The following PAFAH1B1 variants were observed in gnomAD, a reference collection of about 807,000 sequenced individuals.
The protein encoded by PAFAH1B1 is platelet activating factor acetylhydrolase 1b regulatory subunit 1, also known as platelet-activating factor acetylhydrolase IB subunit beta.
PAFAH1B1 carries 2 observed loss-of-function variants against 57.5 expected under a neutral mutation model. The observed-to-expected ratio is 0.03, with a 90% CI of 0.01 to 0.11. The LOEUF (loss-of-function observed/expected upper bound fraction) is 0.11. PAFAH1B1 is among the 10% of genes least tolerant of loss of function. PAFAH1B1 has a pLI of 1.00. For missense variants in PAFAH1B1, 257 were observed against 512.0 expected, an observed-to-expected ratio of 0.50 and a Z score of 4.81; for synonymous variants, 152 against 169.6, an observed-to-expected ratio of 0.90 and a Z score of 0.81.
chr17:2,632,805 A>AT (rs754969241), intron 1 of PAFAH1B1, among the ~76,000 whole-genome samples: 1 of 152,152 alleles, frequency 6.6e-6, no homozygotes, highest in Non-Finnish European at 1.5e-5. Context: ...ATCCTACACC[A>AT]TTTTTTATCA....
At chr17:2,625,275 T>G (rs1448695357) in intron 1 of PAFAH1B1, among the ~76,000 whole-genome samples, 2 of 152,248 alleles carry the variant, frequency 1.3e-5, no homozygotes, top group South Asian at 2.1e-4. Flanking sequence ...AATCAGACTC[T>G]TTGAATTTTG....
At chr17:2,655,699 T>C (rs2068927206) in intron 2 of PAFAH1B1, among the ~76,000 whole-genome samples, 1 of 151,816 alleles carries the variant, frequency 6.6e-6, no homozygotes, top group African/African-American at 2.4e-5. Flanking sequence ...AGTTGCTACG[T>C]GTGACGACAG....
At chr17:2,665,916 A>G (rs1597568340) in intron 3 of PAFAH1B1, 100 bp from the exon 4 acceptor site, 1 of 1,213,470 alleles carries the variant, frequency 8.2e-7, no homozygotes, top group East Asian at 2.9e-5. Context: ...TTTTTTTATA[A>G]TCAGATTTTT....
chr17:2,639,909 A>G (rs190868983), intron 2 of PAFAH1B1: 1 of 152,230 alleles, frequency 6.6e-6, no homozygotes, highest in South Asian at 2.1e-4. Flanking sequence ...AATTAAAAAA[A>G]AAATTTTGTG....
intron 1 of PAFAH1B1, among the ~76,000 whole-genome samples, chr17:2,595,207 T>A (rs1198826199): frequency 6.6e-6 from 1 of 152,196 alleles, no homozygotes; most frequent in Non-Finnish European, 1.5e-5. Flanking sequence ...ATTACTGATA[T>A]TCCCATCTCT....
intron 1 of PAFAH1B1, among the ~76,000 whole-genome samples, chr17:2,608,245 C>G (rs540485631): frequency 6.6e-6 from 1 of 151,986 alleles, no homozygotes; most frequent in Non-Finnish European, 1.5e-5. Context: ...CCACCATGCT[C>G]GGCTAATTTT....
At chr17:2,625,952 A>C (rs1429463236) in intron 1 of PAFAH1B1, among the ~76,000 whole-genome samples, 1 of 152,126 alleles carries the variant, frequency 6.6e-6, no homozygotes, top group Admixed American at 6.5e-5. Context: ...CAAGAAAAAC[A>C]GAAAAACGTT....
chr17:2,651,460 T>A (rs2068848626), intron 2 of PAFAH1B1, among the ~76,000 whole-genome samples: 1 of 150,544 alleles, frequency 6.6e-6, no homozygotes, highest in Admixed American at 6.7e-5. Flanking sequence ...GGTGCCTGCC[T>A]GAAATCCCAG....
At position 2,656,961 on chromosome 17, in the gene PAFAH1B1, G is replaced by A. The variant is rs142376963; in HGVS notation, c.33-8411G>A. ...TTTTGAGACAGAGTCTCGCTCTGTA[G>A]CCCAGGCTGGAGTGCAGTGGCGCAG... On this transcript the variant is annotated intron_variant, in intron 2 of 10. Transcript: ENST00000397195. Among the ~76,000 whole-genome samples, 463 of 152,028 alleles carry A rather than the reference G, an allele frequency of 3.0e-3. 1 individual carries two copies. Among genetic ancestry groups the A allele is most frequent in the African/African-American group, 1.0e-2 (413 of 41,432 alleles).
chr17:2,626,485 G>C (rs2068492141), intron 1 of PAFAH1B1, among the ~76,000 whole-genome samples: 1 of 139,274 alleles, frequency 7.2e-6, no homozygotes, highest in South Asian at 2.2e-4. Flanking sequence ...TAGCTACTAT[G>C]TAGAAAATTT....
intron 8 of PAFAH1B1, 190 bp from the exon 9 acceptor site, chr17:2,676,315 T>G: frequency 1.9e-6 from 1 of 539,276 alleles, no homozygotes; most frequent in Non-Finnish European, 3.3e-6. Context: ...GAGGCGGAGG[T>G]TGCAGTGACC....
chr17:2,677,660 C>T (rs1323201880), intron 9 of PAFAH1B1, among the ~76,000 whole-genome samples: 2 of 151,932 alleles, frequency 1.3e-5, no homozygotes, highest in African/African-American at 2.4e-5. Context: ...TGAGACCATC[C>T]TGGCTAACAT....
intron 1 of PAFAH1B1, among the ~76,000 whole-genome samples, chr17:2,597,656 G>A (rs2068099143): frequency 6.6e-6 from 1 of 151,450 alleles, no homozygotes; most frequent in Admixed American, 6.6e-5. Context: ...TGATCCGCCC[G>A]CCTCTGCCTC....
chr17:2,672,552 C>G, intron 6 of PAFAH1B1, 103 bp from the exon 7 acceptor site: 1 of 800,610 alleles, frequency 1.2e-6, no homozygotes, highest in South Asian at 1.4e-5. Flanking sequence ...TTAGAACTTG[C>G]TTTGACATAG....
chr17:2,674,088 A>C lies in PAFAH1B1; in HGVS notation c.700A>C (p.Arg234=). The C allele has an allele frequency of 1.2e-6, 2 of 1,613,566 alleles. No individual in the cohort carries two copies. Among genetic ancestry groups the C allele is most frequent in the East Asian group, 2.2e-5 (1 of 44,886 alleles). Residue 234 remains arginine (R), a synonymous_variant, in exon 8 of 11, where the codon AGA becomes CGA. Transcript: ENST00000397195. ...GYCVKTFTGH[R]EWVRMVRPNQ... is the part of the protein sequence containing the mutation. ...CTGTGTGAAGACATTCACAGGACAC[A>C]GAGAATGGGTACGTATGGTACGGCC... is the stretch of plus-strand genomic sequence containing the variant.
chr17:2,681,934 T>TA lies in PAFAH1B1; in HGVS notation c.*133dup. Reference sequence around the variant, plus strand: ...AATTATTCTGGATGTAGATTGAGCTTATTAAATGTTACACACAAAGTATTC... The same window carrying TA: ...AATTATTCTGGATGTAGATTGAGCTTAATTAAATGTTACACACAAAGTATTC... On this transcript the variant is annotated 3_prime_UTR_variant, in exon 11 of 11. Coordinates refer to ENST00000397195, the MANE Select transcript of PAFAH1B1 (RefSeq NM_000430.4). 1 of 667,210 alleles carries TA rather than the reference T, an allele frequency of 1.5e-6. No homozygotes were observed. The highest frequency in any genetic ancestry group is 2.6e-6 in the Non-Finnish European group (1 of 388,656). 41.3% of individuals were successfully genotyped at this position (667,210 alleles called of 1,614,324 possible).
intron 2 of PAFAH1B1, chr17:2,640,252 T>G (rs1187951225): frequency 6.6e-6 from 1 of 152,140 alleles, no homozygotes; most frequent in Non-Finnish European, 1.5e-5. Flanking sequence ...ATCAGTTGAT[T>G]CCATAATGTC....
intron 1 of PAFAH1B1, among the ~76,000 whole-genome samples, chr17:2,603,188 C>G (rs2068165395): frequency 6.6e-6 from 1 of 152,032 alleles, no homozygotes; most frequent in African/African-American, 2.4e-5. Context: ...GAGACAGGGT[C>G]TGGCTCTGTT....
Position 2,594,019 on chromosome 17 carries a change from G to A in PAFAH1B1, c.-191+13G>A, listed in dbSNP as rs2068054163. On this transcript the variant is annotated intron_variant, in intron 1 of 10. Coordinates refer to ENST00000397195, the MANE Select transcript of PAFAH1B1 (RefSeq NM_000430.4). ...GTGCAGCGCTCCGGTAAGGCGGCGCGGGTCTGCGCCCTCCCCTCTGTCTCC... is the reference window on the plus strand; with the variant it reads ...GTGCAGCGCTCCGGTAAGGCGGCGCAGGTCTGCGCCCTCCCCTCTGTCTCC... 2.5e-6 allele frequency: 1 copy of A among 397,454 alleles called. No individual in the cohort carries two copies. The highest frequency in any genetic ancestry group is 4.4e-6 in the Non-Finnish European group (1 of 225,656). The allele number at this position is 397,454 out of a possible 1,614,324, so 24.6% of individuals were successfully genotyped here.
Sources: gnomAD v4.1 joint callset for allele counts (sites outside exome capture counted in the v4.1 genomes callset) on GRCh38, gnomAD v4.1.1 for gene constraint, MANE v1.5 for transcripts, NCBI Gene and HGNC (gene_info 2026-07-23, HGNC 2026-07-21) for gene names.